BCAS3: variants seen among roughly 807,000 people sequenced by gnomAD.
The protein encoded by BCAS3 is BCAS4/BCAS3 fusion.
Under a neutral mutation model 116.1 loss-of-function variants are expected in BCAS3, and 53 were observed. That is an observed-to-expected ratio of 0.46 (90% CI 0.37 to 0.57). The LOEUF is 0.57. Among genes scored for constraint, BCAS3 ranks in the 20% least tolerant of loss-of-function variants. The pLI, the probability that BCAS3 is intolerant of heterozygous loss-of-function variation, is 0.00. For missense variants in BCAS3, 917 were observed against 1,165.4 expected (o/e 0.79, Z 3.10); for synonymous variants, 391 against 408.2 (o/e 0.96, Z 0.51).
intron 13 of BCAS3, among the ~76,000 whole-genome samples, chr17:60,937,755 A>G (rs981631274): frequency 1.3e-5 from 2 of 152,074 alleles, no homozygotes; most frequent in African/African-American, 4.8e-5. Context: ...TCACTTTACT[A>G]TCCCTTCTGT....
rs1050782959 is a variant in BCAS3 at position 61,326,449 on chromosome 17, G to A, written c.2426-41878G>A. 6.6e-6 allele frequency among the ~76,000 whole-genome samples: 1 copy of A among 152,216 alleles called. No individual in the cohort carries two copies. The highest frequency in any genetic ancestry group is 2.1e-4 in the South Asian group (1 of 4,828). ...GAGAAGCATGTTTTCAGCAGAGGGT[G>A]AGTTTTGAAAAGATCACTCTGACCT... is the stretch of plus-strand genomic sequence containing the variant. On this transcript the variant is annotated intron_variant, in intron 22 of 23. Coordinates refer to ENST00000407086, the MANE Select transcript of BCAS3 (RefSeq NM_017679.5). This position sits in a 1 kb window ranked among gnomAD's most constrained non-coding sequence, Gnocchi z 5.3.
chr17:61,002,107 A>AT (rs1174420484), intron 15 of BCAS3, among the ~76,000 whole-genome samples: 2 of 152,128 alleles, frequency 1.3e-5, no homozygotes, highest in African/African-American at 4.8e-5. Context: ...TGCCAGTGGG[A>AT]TATATTTTAA....
At position 61,388,891 on chromosome 17, in the gene BCAS3, G is replaced by A. The variant is rs1257053529; in HGVS notation, c.2594-3086G>A. The A allele has an allele frequency of 5.1e-6, 3 of 586,928 alleles. No homozygotes were observed. Among genetic ancestry groups the A allele is most frequent in the Non-Finnish European group, 8.9e-6 (3 of 336,546 alleles). The allele number at this position is 586,928 out of a possible 1,614,324, so 36.4% of individuals were successfully genotyped here. On this transcript the variant is annotated intron_variant, in intron 23 of 23. Coordinates refer to ENST00000407086, the MANE Select transcript of BCAS3 (RefSeq NM_017679.5). The surrounding 1 kb of genome is among the most constrained non-coding windows in gnomAD (Gnocchi z 6.5). ...AAAAGCGCCCACAAAGCTGCCCCGG[G>A]GCCAGCAGGCCCCCGATTCTTTCAG...
chr17:60,729,441 C>T lies in BCAS3; in HGVS notation c.322-17757C>T, dbSNP rs114796546. Among the ~76,000 whole-genome samples the T allele has an allele frequency of 3.3e-3, 498 of 151,524 alleles. 5 individuals carry two copies. Among genetic ancestry groups the T allele is most frequent in the African/African-American group, 0.012 (482 of 41,246 alleles). ...CAAAAAGAAATTGCCCAAGGTTTTC[C>T]AAATAGGCTGTATTGTTGTATATTT... is the stretch of plus-strand genomic sequence containing the variant. On this transcript the variant is annotated intron_variant, in intron 5 of 23. Coordinates refer to ENST00000407086, the MANE Select transcript of BCAS3 (RefSeq NM_017679.5).
At chr17:60,695,380 G>A (rs2035460786) in intron 4 of BCAS3, among the ~76,000 whole-genome samples, 1 of 152,028 alleles carries the variant, frequency 6.6e-6, no homozygotes, top group African/African-American at 2.4e-5. Context: ...CCAAAGTGTT[G>A]GGATTGCAGG....
intron 22 of BCAS3, among the ~76,000 whole-genome samples, chr17:61,358,703 C>A (rs2058289066): frequency 1.3e-5 from 2 of 151,788 alleles, no homozygotes. Context: ...CCCATGTTGG[C>A]CAGGCTGGTT....
chr17:61,139,440 G>T lies in BCAS3; in HGVS notation c.2425+54876G>T, dbSNP rs184986103. Among the ~76,000 whole-genome samples, 1 of 152,248 alleles carries T rather than the reference G, an allele frequency of 6.6e-6. No individual in the cohort carries two copies. The highest frequency in any genetic ancestry group is 2.4e-5 in the African/African-American group (1 of 41,548). Reference sequence around the variant, plus strand: ...TCCTTCTTCAGTTTCTCAGTCTGTCGAGAGAGCATGGCTGCACCCTGTGCA... The same window carrying T: ...TCCTTCTTCAGTTTCTCAGTCTGTCTAGAGAGCATGGCTGCACCCTGTGCA... On this transcript the variant is annotated intron_variant, in intron 22 of 23. Transcript: ENST00000407086. This position sits in a 1 kb window ranked among gnomAD's most constrained non-coding sequence, Gnocchi z 4.7.
chr17:61,235,255 C>G lies in BCAS3; in HGVS notation c.2426-133072C>G, dbSNP rs1397534353. 6.6e-6 allele frequency among the ~76,000 whole-genome samples: 1 copy of G among 152,148 alleles called. No homozygotes were observed. The highest frequency in any genetic ancestry group is 2.1e-4 in the South Asian group (1 of 4,834). On this transcript the variant is annotated intron_variant, in intron 22 of 23. Coordinates refer to ENST00000407086, the MANE Select transcript of BCAS3 (RefSeq NM_017679.5). This position sits in a 1 kb window ranked among gnomAD's most constrained non-coding sequence, Gnocchi z 5.0. ...ATTTGGTCTCTTTGAAAAGAGTGGC[C>G]AGGTGAAGGCTGAAGGACCGGATAA... is the stretch of plus-strand genomic sequence containing the variant.
At chr17:60,812,030 G>A (rs1007434761) in intron 7 of BCAS3, among the ~76,000 whole-genome samples, 3 of 151,398 alleles carry the variant, frequency 2.0e-5, no homozygotes, top group African/African-American at 7.3e-5. Context: ...TCCAGCCTGG[G>A]TGACAGAGTG....
In BCAS3 at chr17:61,128,817, A is replaced by T. The variant is rs2076180029; in HGVS notation, c.2425+44253A>T. Reference sequence around the variant, plus strand: ...TGGTCTGTCACAAGGTCAAGTGATGATTAGTGATGTAGTCTCTCCTAAACA... The same window carrying T: ...TGGTCTGTCACAAGGTCAAGTGATGTTTAGTGATGTAGTCTCTCCTAAACA... On this transcript the variant is annotated intron_variant, in intron 22 of 23. Coordinates refer to ENST00000407086, the MANE Select transcript of BCAS3 (RefSeq NM_017679.5). The surrounding 1 kb of genome is among the most constrained non-coding windows in gnomAD (Gnocchi z 4.1). Among the ~76,000 whole-genome samples, 1 of 152,204 alleles carries T rather than the reference A, an allele frequency of 6.6e-6. No homozygotes were observed. The highest frequency in any genetic ancestry group is 2.4e-5 in the African/African-American group (1 of 41,460).
chr17:61,180,817 T>C lies in BCAS3; in HGVS notation c.2425+96253T>C, dbSNP rs1259480477. Among the ~76,000 whole-genome samples, 1 of 152,204 alleles carries C rather than the reference T, an allele frequency of 6.6e-6. No homozygotes were observed. The highest frequency in any genetic ancestry group is 1.5e-5 in the Non-Finnish European group (1 of 68,036). ...AAATGAGGGGGAAATAAGACAACCA[T>C]GTAGAGCCTGAGAATAGAATATAAG... On this transcript the variant is annotated intron_variant, in intron 22 of 23. Transcript: ENST00000407086. This position sits in a 1 kb window ranked among gnomAD's most constrained non-coding sequence, Gnocchi z 6.0.
chr17:61,187,957 AT>A (rs903635555), intron 22 of BCAS3, among the ~76,000 whole-genome samples: 4 of 151,792 alleles, frequency 2.6e-5, no homozygotes, highest in South Asian at 2.1e-4. Flanking sequence ...TCATTAAGGT[AT>A]TTTTTTTCTA....
chr17:60,984,671 G>A (rs910846536), intron 14 of BCAS3, among the ~76,000 whole-genome samples: 1 of 152,040 alleles, frequency 6.6e-6, no homozygotes, highest in Non-Finnish European at 1.5e-5. Context: ...AAAATTTTTT[G>A]TGGGTACATA....
At chr17:61,016,387 T>A (rs1027139148) in intron 16 of BCAS3, among the ~76,000 whole-genome samples, 2 of 152,196 alleles carry the variant, frequency 1.3e-5, no homozygotes, top group Non-Finnish European at 2.9e-5. Context: ...TGTGATGTCA[T>A]TGGTAGTTTT....
At chr17:60,899,848 CA>C (rs1255715388) in intron 10 of BCAS3, 1 of 151,964 alleles carries the variant, frequency 6.6e-6, no homozygotes, top group Non-Finnish European at 1.5e-5. Flanking sequence ...GGCCCCAGAG[CA>C]GCATGCCATC....
chr17:60,796,873 C>T (rs552591410), intron 6 of BCAS3, among the ~76,000 whole-genome samples: 3 of 151,988 alleles, frequency 2.0e-5, no homozygotes, highest in Non-Finnish European at 2.9e-5. Context: ...CTCTTAGCAC[C>T]GCCTTTGCTA....
intron 8 of BCAS3, among the ~76,000 whole-genome samples, chr17:60,872,763 TACAC>T (rs200021118): frequency 0.031 from 4,561 of 145,592 alleles, 172 homozygotes; most frequent in East Asian, 0.095. Flanking sequence ...TATACACACA[TACAC>T]ACACACACCC....
At position 61,082,658 on chromosome 17, in the gene BCAS3, A is replaced by G. The variant is rs931755760; in HGVS notation, c.2328-1809A>G. Among the ~76,000 whole-genome samples, 1 of 152,234 alleles carries G rather than the reference A, an allele frequency of 6.6e-6. No homozygotes were observed. The highest frequency in any genetic ancestry group is 1.5e-5 in the Non-Finnish European group (1 of 68,038). On this transcript the variant is annotated intron_variant, in intron 21 of 23. Coordinates refer to ENST00000407086, the MANE Select transcript of BCAS3 (RefSeq NM_017679.5). The surrounding 1 kb of genome is among the most constrained non-coding windows in gnomAD (Gnocchi z 5.1). ...TAGCTTTTTGTTGCTCTCAAGAACA[A>G]GGAAACTTCTTTTCCAGACACTTTA...
At chr17:60,853,324 C>G (rs1021133276) in intron 7 of BCAS3, among the ~76,000 whole-genome samples, 1 of 151,996 alleles carries the variant, frequency 6.6e-6, no homozygotes, top group African/African-American at 2.4e-5. Flanking sequence ...ACATTTTAGT[C>G]ATAGTATTAA....
Sources: gnomAD v4.1 joint callset for allele counts (sites outside exome capture counted in the v4.1 genomes callset) on GRCh38, gnomAD v4.1.1 for gene constraint, Gnocchi (gnomAD v3.1) non-coding constraint, MANE v1.5 for transcripts, NCBI Gene and HGNC (gene_info 2026-07-23, HGNC 2026-07-21) for gene names.